The following CRACR2A variants were observed in gnomAD, a reference collection of about 807,000 sequenced individuals.
CRACR2A encodes the protein calcium release activated channel regulator 2A.
In CRACR2A, 79 loss-of-function variants were observed where a neutral mutation model predicts 90.5. The observed-to-expected ratio is 0.87, with a 90% CI of 0.73 to 1.05. The LOEUF is 1.05. Ranked by LOEUF, CRACR2A falls within the 50% of genes least tolerant of loss-of-function variation. CRACR2A has a pLI of 0.00. For synonymous variants in CRACR2A, 338 were observed against 356.7 expected, an observed-to-expected ratio of 0.95 and a Z score of 0.59; for missense variants, 823 against 897.2, an observed-to-expected ratio of 0.92 and a Z score of 1.06.
At position 3,697,718 on chromosome 12, in the gene CRACR2A, C is replaced by T. The variant is rs559869237; in HGVS notation, c.-36-683G>A. On this transcript the variant is annotated intron_variant, in intron 3 of 19. Coordinates refer to ENST00000440314, the MANE Select transcript of CRACR2A (RefSeq NM_001144958.2). ...TCTTGCCCAATGTCATAGACCTCGGCCACAGCTGTGAGCTCTGCAGTTTAT... is the reference window on the plus strand; with the variant it reads ...TCTTGCCCAATGTCATAGACCTCGGTCACAGCTGTGAGCTCTGCAGTTTAT... Among the ~76,000 whole-genome samples, 17 of 152,302 alleles carry T rather than the reference C, an allele frequency of 1.1e-4. No individual in the cohort carries two copies. The South Asian group carries it at 3.5e-3, about 32-fold the overall frequency.
At chr12:3,628,865 C>G (rs962803150) in intron 15 of CRACR2A, among the ~76,000 whole-genome samples, 2 of 152,070 alleles carry the variant, frequency 1.3e-5, no homozygotes, top group African/African-American at 2.4e-5. Context: ...AACGGTCATC[C>G]CAGCCACTGC....
chr12:3,709,482 C>A (rs1945977596), intron 3 of CRACR2A, among the ~76,000 whole-genome samples: 1 of 152,176 alleles, frequency 6.6e-6, no homozygotes, highest in African/African-American at 2.4e-5. Context: ...TGACTCTTTA[C>A]AACCTCAGTT....
At chr12:3,622,838 C>T (rs1200828619) in intron 17 of CRACR2A, among the ~76,000 whole-genome samples, 1 of 151,968 alleles carries the variant, frequency 6.6e-6, no homozygotes, top group African/African-American at 2.4e-5. Context: ...GACTATGAGT[C>T]AAAACAAGAT....
chr12:3,639,116 G>T (rs1944513314), intron 13 of CRACR2A, among the ~76,000 whole-genome samples: 1 of 152,182 alleles, frequency 6.6e-6, no homozygotes, highest in Non-Finnish European at 1.5e-5. Flanking sequence ...GACATAGCAG[G>T]TCTGCTGGCT....
At chr12:3,741,364 C>T (rs1213306765) in intron 1 of CRACR2A, among the ~76,000 whole-genome samples, 1 of 152,174 alleles carries the variant, frequency 6.6e-6, no homozygotes, top group Admixed American at 6.5e-5. Flanking sequence ...ATAAAAAACA[C>T]TGATGACTGA....
chr12:3,733,836 C>T (rs1339759336), intron 1 of CRACR2A, among the ~76,000 whole-genome samples: 4 of 151,046 alleles, frequency 2.6e-5, no homozygotes, highest in African/African-American at 9.8e-5. Context: ...AGAATCCAAT[C>T]CCACTATCCT....
intron 14 of CRACR2A, among the ~76,000 whole-genome samples, chr12:3,637,108 TTTTCCTACAGAA>T (rs2137349434): frequency 6.6e-6 from 1 of 152,276 alleles, no homozygotes; most frequent in African/African-American, 2.4e-5. Flanking sequence ...ATGGTCTCCC[TTTTCCTACAGAA>T]TTTAGCAGGA....
At chr12:3,745,635 A>G (rs1196670948) in intron 1 of CRACR2A, among the ~76,000 whole-genome samples, 3 of 151,616 alleles carry the variant, frequency 2.0e-5, no homozygotes, top group African/African-American at 7.3e-5. Flanking sequence ...TTAGCCAGGC[A>G]TGGTGGTGCA....
intron 5 of CRACR2A, among the ~76,000 whole-genome samples, chr12:3,679,422 G>A (rs1945403838): frequency 6.6e-6 from 1 of 152,196 alleles, no homozygotes; most frequent in Non-Finnish European, 1.5e-5. Flanking sequence ...TAAGCAACAA[G>A]GCCTTTCCCT....
intron 10 of CRACR2A, among the ~76,000 whole-genome samples, chr12:3,651,300 C>T (rs528195406): frequency 4.0e-4 from 61 of 152,338 alleles, no homozygotes; most frequent in African/African-American, 1.1e-3. Flanking sequence ...CGTGTGTGCA[C>T]GCACATATAT....
At chr12:3,720,638 G>A (rs1418388295) in intron 2 of CRACR2A, among the ~76,000 whole-genome samples, 2 of 152,190 alleles carry the variant, frequency 1.3e-5, no homozygotes, top group Non-Finnish European at 2.9e-5. Flanking sequence ...GTGGCGTGCT[G>A]AGTGAATTCT....
chr12:3,659,323 A>G (rs1288646170), intron 8 of CRACR2A, among the ~76,000 whole-genome samples: 4 of 152,236 alleles, frequency 2.6e-5, no homozygotes, highest in African/African-American at 7.2e-5. Context: ...AGTTAATAAA[A>G]GATAAAATCT....
chr12:3,662,700 ACCAATCCATTGGAGAC>A, intron 7 of CRACR2A, among the ~76,000 whole-genome samples: 1 of 152,336 alleles, frequency 6.6e-6, no homozygotes, highest in Non-Finnish European at 1.5e-5. Context: ...TGCCTGTCAG[ACCAATCCATTGGAGAC>A]CCAGGCTGTG....
intron 17 of CRACR2A, among the ~76,000 whole-genome samples, chr12:3,627,161 T>C (rs1944279511): frequency 6.6e-6 from 1 of 152,172 alleles, no homozygotes; most frequent in Non-Finnish European, 1.5e-5. Context: ...GGCCCAGCAA[T>C]GACACAGCTA....
rs1867697475 is a variant in CRACR2A at position 3,616,970 on chromosome 12, G to A, written c.2095C>T (p.Leu699=). The part of the protein sequence containing the change: ...AYSGHNTKES[L]LHLARFLKEQ... ...TCTCTTTACCTGGCCAGATGGAGCA[G>A]GGACTCTTTGGTGTTGTGACCAGAG... is the stretch of plus-strand genomic sequence containing the variant. The change falls in exon 19 of 20, where the codon CTG becomes TTG. Residue 699 remains leucine (L), a synonymous_variant. Coordinates refer to ENST00000440314, the MANE Select transcript of CRACR2A (RefSeq NM_001144958.2). The A allele has an allele frequency of 1.3e-6, 2 of 1,551,470 alleles. No homozygotes were observed. The highest frequency in any genetic ancestry group is 1.7e-6 in the Non-Finnish European group (2 of 1,146,764).
chr12:3,713,197 T>C, intron 3 of CRACR2A, 40 bp downstream of exon 3: 1 of 945,082 alleles, frequency 1.1e-6, no homozygotes, highest in South Asian at 4.9e-5. Context: ...GGGGCAGATC[T>C]AGTACTCTGC....
chr12:3,710,791 C>CA (rs902683230), intron 3 of CRACR2A, among the ~76,000 whole-genome samples: 1,226 of 115,674 alleles, frequency 0.011, 17 homozygotes, highest in South Asian at 0.057. Flanking sequence ...GGCTCCACCG[C>CA]AAAAAAAAAA....
chr12:3,702,201 T>C (rs1001104730), intron 3 of CRACR2A, among the ~76,000 whole-genome samples: 1 of 152,186 alleles, frequency 6.6e-6, no homozygotes, highest in Non-Finnish European at 1.5e-5. Context: ...ACATCATACT[T>C]AAGGGTGAAA....
intron 7 of CRACR2A, among the ~76,000 whole-genome samples, chr12:3,669,889 C>T (rs1425539499): frequency 2.0e-5 from 3 of 152,292 alleles, no homozygotes; most frequent in East Asian, 1.9e-4. Context: ...GGCCAGACTC[C>T]CCCAGAGGTC....
Sources: gnomAD v4.1 joint callset for allele counts (sites outside exome capture counted in the v4.1 genomes callset) on GRCh38, gnomAD v4.1.1 for gene constraint, MANE v1.5 for transcripts, NCBI Gene and HGNC (gene_info 2026-07-23, HGNC 2026-07-21) for gene names.